The following PCDH15 variants were observed in gnomAD, a reference collection of about 807,000 sequenced individuals.
The protein encoded by PCDH15 is protocadherin related 15.
In PCDH15, 129 loss-of-function variants were observed where a neutral mutation model predicts 178.5. The observed-to-expected ratio is 0.72, with a 90% CI of 0.63 to 0.84. PCDH15 has a LOEUF of 0.84. Ranked by LOEUF, PCDH15 falls within the 40% of genes least tolerant of loss-of-function variation. The pLI is 0.00. For missense variants in PCDH15, 2,230 were observed against 2,099.9 expected, an observed-to-expected ratio of 1.06 and a Z score of -1.21; for synonymous variants, 800 against 732.0, an observed-to-expected ratio of 1.09 and a Z score of -1.50.
intron 2 of PCDH15, among the ~76,000 whole-genome samples, chr10:55,606,848 A>C (rs543014099): frequency 0.021 from 2,963 of 141,882 alleles, 32 homozygotes; most frequent in African/African-American, 0.072. Flanking sequence ...CAAGGACTTC[A>C]TGTCTAAAAC....
At chr10:55,374,800 G>A (rs573166488) in intron 2 of PCDH15, among the ~76,000 whole-genome samples, 1 of 151,900 alleles carries the variant, frequency 6.6e-6, no homozygotes, top group South Asian at 2.1e-4. Flanking sequence ...AGTGATGCAC[G>A]GCAGCCATTA....
At chr10:53,980,647 C>A (rs774492284) in intron 21 of PCDH15, among the ~76,000 whole-genome samples, 12 of 152,132 alleles carry the variant, frequency 7.9e-5, no homozygotes, top group Non-Finnish European at 1.3e-4. Flanking sequence ...CTCCATCAAG[C>A]CCAAACAATA....
chr10:54,131,887 T>C (rs186575768), intron 15 of PCDH15, among the ~76,000 whole-genome samples: 11 of 152,320 alleles, frequency 7.2e-5, no homozygotes, highest in African/African-American at 2.6e-4. Context: ...AAATCTTCAC[T>C]TTTATATCAT....
Position 55,516,020 on chromosome 10 carries a change from C to T in PCDH15, c.-156+111605G>A, listed in dbSNP as rs142586171. Among the ~76,000 whole-genome samples, 1,041 of 152,222 alleles carry T rather than the reference C, an allele frequency of 6.8e-3. 6 individuals are homozygous for T. The highest frequency in any genetic ancestry group is 0.01 in the African/African-American group (426 of 41,548). On this transcript the variant is annotated intron_variant, in intron 2 of 5. Transcript: ENST00000613346. ...AAGTATGCTTTTTAATCTCATTCTT[C>T]GAGAAAATTATCTCTGCTTTCCTTA... is the stretch of plus-strand genomic sequence containing the variant.
intron 23 of PCDH15, among the ~76,000 whole-genome samples, chr10:53,947,411 G>A (rs2086664014): frequency 1.3e-5 from 2 of 151,984 alleles, no homozygotes; most frequent in African/African-American, 4.8e-5. Flanking sequence ...ATTCAATCTG[G>A]CTCTATTGCT....
intron 2 of PCDH15, among the ~76,000 whole-genome samples, chr10:55,061,596 A>C (rs1841434280): frequency 6.6e-6 from 1 of 152,208 alleles, no homozygotes; most frequent in Admixed American, 6.6e-5. Flanking sequence ...GAAAACCTGC[A>C]CAAAGATGTT....
chr10:54,528,254 T>G (rs2083551352), intron 2 of PCDH15: 2 of 824,276 alleles, frequency 2.4e-6, no homozygotes, highest in East Asian at 2.7e-5. Context: ...CAAACATAAT[T>G]GGACTTTAAT....
intron 16 of PCDH15, among the ~76,000 whole-genome samples, chr10:54,087,049 G>A (rs918444392): frequency 1.6e-4 from 25 of 152,058 alleles, no homozygotes. Flanking sequence ...AAATCTCTTG[G>A]CATCAAGGGA....
intron 2 of PCDH15, among the ~76,000 whole-genome samples, chr10:54,609,899 T>C (rs1264329611): frequency 1.3e-5 from 2 of 152,052 alleles, no homozygotes; most frequent in Non-Finnish European, 2.9e-5. Flanking sequence ...TTTAACACTT[T>C]ATATGCAGTT....
intron 3 of PCDH15, among the ~76,000 whole-genome samples, chr10:54,433,994 C>G (rs369649758): frequency 6.6e-5 from 10 of 152,036 alleles, no homozygotes; most frequent in Non-Finnish European, 1.3e-4. Context: ...GAGACGTGGA[C>G]GTGGAAGACA....
chr10:54,846,331 CAT>C (rs1251438565), intron 3 of PCDH15, among the ~76,000 whole-genome samples: 1 of 152,112 alleles, frequency 6.6e-6, no homozygotes, highest in East Asian at 1.9e-4. Flanking sequence ...ATTAAACACC[CAT>C]GTGTGTGGCC....
chr10:54,834,564 TAAGA>T (rs1005144337), intron 3 of PCDH15, among the ~76,000 whole-genome samples: 5 of 148,136 alleles, frequency 3.4e-5, no homozygotes, highest in Admixed American at 6.7e-5. Context: ...AAAAACAGAA[TAAGA>T]AAGAAAGAGA....
chr10:54,852,855 AAAAAT>A (rs368212815), intron 3 of PCDH15, among the ~76,000 whole-genome samples: 11 of 147,238 alleles, frequency 7.5e-5, no homozygotes, highest in Non-Finnish European at 1.2e-4. Context: ...TCTGTCTCAA[AAAAAT>A]AAAATAAAAT....
chr10:54,249,423 G>C (rs1378467124), intron 8 of PCDH15, among the ~76,000 whole-genome samples: 2 of 152,094 alleles, frequency 1.3e-5, no homozygotes, highest in African/African-American at 2.4e-5. Flanking sequence ...TAAGCATAAA[G>C]TATAATTTTA....
intron 3 of PCDH15, among the ~76,000 whole-genome samples, chr10:54,868,622 A>T (rs548395387): frequency 7.2e-4 from 109 of 152,264 alleles, no homozygotes; most frequent in African/African-American, 2.5e-3. Context: ...AAAATTTCAA[A>T]TCAGGCTACT....
intron 2 of PCDH15, among the ~76,000 whole-genome samples, chr10:55,366,922 C>CGTGT (rs34339947): frequency 0.25 from 37,461 of 150,066 alleles, 5,238 homozygotes; most frequent in Admixed American, 0.34. Flanking sequence ...CATTTGTTTG[C>CGTGT]GTGTGTGTGT....
At chr10:54,731,579 C>CACAT (rs1566067975) in intron 1 of PCDH15, among the ~76,000 whole-genome samples, 3 of 63,756 alleles carry the variant, frequency 4.7e-5, no homozygotes. Flanking sequence ...CACACACACA[C>CACAT]ACACACACAC....
intron 8 of PCDH15, among the ~76,000 whole-genome samples, chr10:54,303,374 C>T (rs1291069550): frequency 6.6e-6 from 1 of 151,738 alleles, no homozygotes; most frequent in Admixed American, 6.6e-5. Flanking sequence ...CAAATGGAAA[C>T]AATTTCATAT....
At chr10:54,839,762 A>C (rs1190032083) in intron 3 of PCDH15, among the ~76,000 whole-genome samples, 1 of 152,132 alleles carries the variant, frequency 6.6e-6, no homozygotes, top group Non-Finnish European at 1.5e-5. Flanking sequence ...AAAGCAGCAA[A>C]TAAATAAGCA....
Sources: gnomAD v4.1 joint callset for allele counts (sites outside exome capture counted in the v4.1 genomes callset) on GRCh38, gnomAD v4.1.1 for gene constraint, MANE v1.5 for transcripts, NCBI Gene and HGNC (gene_info 2026-07-23, HGNC 2026-07-21) for gene names.